KDM1A: variants seen among roughly 807,000 people sequenced by gnomAD.
KDM1A encodes lysine-specific histone demethylase 1A.
Under a neutral mutation model 109.4 loss-of-function variants are expected in KDM1A, and 49 were observed. The observed-to-expected ratio is 0.45, with a 90% confidence interval of 0.36 to 0.57. The LOEUF (loss-of-function observed/expected upper bound fraction) is 0.57, where lower values mean the gene tolerates loss of function less well. KDM1A is among the 20% of genes least tolerant of loss of function. The pLI is 0.00. For synonymous variants in KDM1A, 380 were observed against 415.4 expected, an observed-to-expected ratio of 0.91 and a Z score of 1.04; for missense variants, 668 against 1,116.6, an observed-to-expected ratio of 0.60 and a Z score of 5.73.
At chr1:23,062,679 C>T (rs947172163) in intron 9 of KDM1A, among the ~76,000 whole-genome samples, 19 of 152,202 alleles carry the variant, frequency 1.2e-4, no homozygotes, top group African/African-American at 4.6e-4. Flanking sequence ...TGTTCTCTCT[C>T]CTACATTTGT....
At chr1:23,025,670 C>T (rs1641774440) in intron 1 of KDM1A, among the ~76,000 whole-genome samples, 1 of 151,892 alleles carries the variant, frequency 6.6e-6, no homozygotes, top group African/African-American at 2.4e-5. Flanking sequence ...AAATAATCTT[C>T]AGAGGAGGTG....
intron 11 of KDM1A, 136 bp downstream of exon 11, chr1:23,068,817 T>A: frequency 1.3e-6 from 1 of 753,502 alleles, no homozygotes. Flanking sequence ...AATCCAAAGT[T>A]AAAAATTATT....
chr1:23,063,728 T>G (rs1039753077), intron 9 of KDM1A, among the ~76,000 whole-genome samples: 18 of 152,222 alleles, frequency 1.2e-4, no homozygotes, highest in Non-Finnish European at 2.9e-5. Flanking sequence ...AACAAGAATT[T>G]ACTGGGCACC....
intron 3 of KDM1A, among the ~76,000 whole-genome samples, chr1:23,049,961 C>T (rs1642617187): frequency 6.6e-6 from 1 of 152,120 alleles, no homozygotes; most frequent in Admixed American, 6.5e-5. Context: ...TTAAAGTCAT[C>T]TTTCTGTTTC....
At chr1:23,042,688 G>A (rs1303386189) in intron 2 of KDM1A, among the ~76,000 whole-genome samples, 6 of 150,852 alleles carry the variant, frequency 4.0e-5, no homozygotes, top group Middle Eastern at 3.2e-3. Context: ...TCCTGACCTC[G>A]TGATCCGCCC....
At chr1:23,039,823 G>C (rs1642254197) in intron 2 of KDM1A, among the ~76,000 whole-genome samples, 1 of 152,142 alleles carries the variant, frequency 6.6e-6, no homozygotes, top group South Asian at 2.1e-4. Flanking sequence ...AAGTTTCCTT[G>C]TAGGTATTTT....
chr1:23,057,655 G>C, intron 8 of KDM1A, 90 bp downstream of exon 8: 1 of 934,004 alleles, frequency 1.1e-6, no homozygotes, highest in Non-Finnish European at 1.7e-6. Context: ...AAAATGTATT[G>C]GTTTAGAATA....
At chr1:23,045,722 CAT>C (rs1467994333) in intron 3 of KDM1A, among the ~76,000 whole-genome samples, 4 of 151,694 alleles carry the variant, frequency 2.6e-5, no homozygotes, top group Non-Finnish European at 5.9e-5. Flanking sequence ...TAAACAATAT[CAT>C]ATATTGCTGA....
chr1:23,055,957 T>C lies in KDM1A; in HGVS notation c.909T>C (p.Ile303=), dbSNP rs1158436407. 1.2e-6 allele frequency: 2 copies of C among 1,612,170 alleles called. No homozygotes were observed. Among genetic ancestry groups the C allele is most frequent in the East Asian group, 4.5e-5 (2 of 44,788 alleles). ...LPTKKTGKVI[I]IGSGVSGLAA... ...CTAAAAAGACAGGAAAGGTAATTAT[T>C]ATAGGCTCTGGGGTCTCAGGCTTGG... Residue 303 remains isoleucine (I), a synonymous_variant, in exon 7 of 21, where the codon ATT becomes ATC. Coordinates refer to ENST00000400181, the MANE Select transcript of KDM1A (RefSeq NM_001009999.3).
At position 23,019,744 on chromosome 1, in the gene KDM1A, G is replaced by C; in HGVS notation, c.148G>C (p.Val50Leu). ...QPAGLSGPAEVGPGAVGERTP... is the reference protein window; with the variant it reads ...QPAGLSGPAELGPGAVGERTP... ...CGCGGGCCTGTCGGGCCCAGCCGAG[G>C]TCGGGCCGGGGGCGGTGGGGGAGCG... Residue 50 changes from valine to leucine, a missense_variant, in exon 1 of 21, where the codon GTC becomes CTC. By Grantham distance (32) the Val-to-Leu change is conservative (BLOSUM62 1). Around this residue, in one of 8 missense-constraint regions of KDM1A, gnomAD observed 156 missense variants for 163.4 expected, o/e 0.95. Transcript: ENST00000400181. 7.5e-7 allele frequency: 1 copy of C among 1,335,778 alleles called. No individual in the cohort carries two copies. The highest frequency in any genetic ancestry group is 9.6e-7 in the Non-Finnish European group (1 of 1,041,602). The allele number at this position is 1,335,778 out of a possible 1,614,324, so 82.7% of individuals were successfully genotyped here.
chr1:23,063,199 G>C (rs112667286), intron 9 of KDM1A, among the ~76,000 whole-genome samples: 6 of 76,788 alleles, frequency 7.8e-5, no homozygotes, highest in African/African-American at 2.7e-4. Flanking sequence ...GTAGCATTGG[G>C]GGGGGGGTGT....
intron 3 of KDM1A, among the ~76,000 whole-genome samples, chr1:23,045,240 G>A (rs903119521): frequency 3.9e-5 from 6 of 152,130 alleles, no homozygotes; most frequent in African/African-American, 7.2e-5. Context: ...TTATAGATAC[G>A]TTTTGATAGA....
intron 13 of KDM1A, 78 bp downstream of exon 13, chr1:23,071,437 G>T: frequency 7.2e-7 from 1 of 1,393,776 alleles, no homozygotes; most frequent in South Asian, 1.5e-5. Context: ...TTTTGGAAAA[G>T]AGAGCCACTA....
At chr1:23,025,766 CT>C (rs912172108) in intron 1 of KDM1A, among the ~76,000 whole-genome samples, 6 of 151,900 alleles carry the variant, frequency 3.9e-5, no homozygotes, top group Non-Finnish European at 7.4e-5. Flanking sequence ...GCATTGAGGA[CT>C]TTTTTACTCG....
In KDM1A at chr1:23,044,477, C is replaced by A; in HGVS notation, c.568C>A (p.Gln190Lys). ...DDSSGGYGDG[Q>K]ASGVEGAAFQ... ...CAGTTCTGGAGGGTATGGAGACGGC[C>A]AAGCATCAGGTGAGGGTGGCATTAG... Residue 190 changes from glutamine (Q) to lysine (K), a missense_variant, in exon 3 of 21, where the codon CAA (glutamine) becomes AAA (lysine). Coordinates refer to ENST00000400181, the MANE Select transcript of KDM1A (RefSeq NM_001009999.3). 1 of 1,610,794 alleles carries A rather than the reference C, an allele frequency of 6.2e-7. No homozygotes were observed. Among genetic ancestry groups the A allele is most frequent in the Non-Finnish European group, 8.5e-7 (1 of 1,179,142 alleles).
rs954590757 is a variant in KDM1A at position 23,030,660 on chromosome 1, T to A, written c.517+26T>A. On this transcript the variant is annotated intron_variant, in intron 2 of 20. Coordinates refer to ENST00000400181, the MANE Select transcript of KDM1A (RefSeq NM_001009999.3). ...GTGAGTTGTAGTATCCAACCACAGT[T>A]CTGTTTTATCTTAGAAATAAGAATG... is the stretch of plus-strand genomic sequence containing the variant. 4 of 1,495,284 alleles carry A rather than the reference T, an allele frequency of 2.7e-6. No homozygotes were observed. The African/African-American group carries it at 5.7e-5, about 21-fold the overall frequency. The allele number at this position is 1,495,284 out of a possible 1,614,324, so 92.6% of individuals were successfully genotyped here. A position where few individuals can be genotyped will look rare whatever the true frequency, so the allele number is the denominator to read the frequency against.
intron 12 of KDM1A, among the ~76,000 whole-genome samples, chr1:23,070,277 G>A (rs530533240): frequency 6.6e-6 from 1 of 152,260 alleles, no homozygotes; most frequent in East Asian, 1.9e-4. Context: ...CTCGAGATCA[G>A]CCTGGCCAAA....
In KDM1A at chr1:23,077,169, G is replaced by C. The variant is rs1474453713; in HGVS notation, c.1735-59G>C. On this transcript the variant is annotated intron_variant, in intron 15 of 20. Transcript: ENST00000400181. ...TTTTCATTGTTGTTGTACAGAACTAGGTGCAAATGACACAGATTAATAAAA... is the reference window on the plus strand; with the variant it reads ...TTTTCATTGTTGTTGTACAGAACTACGTGCAAATGACACAGATTAATAAAA... 1.9e-6 allele frequency: 3 copies of C among 1,539,106 alleles called. No individual in the cohort carries two copies. The African/African-American group carries it at 4.1e-5, about 21-fold the overall frequency.
At position 23,019,585 on chromosome 1, in the gene KDM1A, C is replaced by T; in HGVS notation, c.-12C>T. 7.1e-7 allele frequency: 1 copy of T among 1,399,538 alleles called. No individual in the cohort carries two copies. Among genetic ancestry groups the T allele is most frequent in the South Asian group, 1.7e-5 (1 of 59,558 alleles). 86.7% of individuals were successfully genotyped at this position (1,399,538 alleles called of 1,614,324 possible). ...GCGGCCCCTACGGCCGTCGGCGGCC[C>T]GGCGGCCCGAGATGTTATCTGGGAA... On this transcript the variant is annotated 5_prime_UTR_variant, in exon 1 of 21. Coordinates refer to ENST00000400181, the MANE Select transcript of KDM1A (RefSeq NM_001009999.3).
Sources: gnomAD v4.1 joint callset for allele counts (sites outside exome capture counted in the v4.1 genomes callset) on GRCh38, gnomAD v4.1.1 for gene constraint, gnomAD v4.1.1 regional missense constraint, MANE v1.5 for transcripts, NCBI Gene and HGNC (gene_info 2026-07-23, HGNC 2026-07-21) for gene names.